The following PRKCE variants were observed in gnomAD, a reference collection of about 807,000 sequenced individuals.
PRKCE encodes the protein protein kinase C epsilon, also known as protein kinase C epsilon type.
In PRKCE, 16 loss-of-function variants were observed where a neutral mutation model predicts 85.4. That is an observed-to-expected ratio of 0.19 (90% CI 0.13 to 0.28). PRKCE has a LOEUF of 0.28. Ranked by LOEUF, PRKCE falls within the 10% of genes least tolerant of loss-of-function variation. The pLI, the probability that PRKCE is intolerant of heterozygous loss-of-function variation, is 1.00. For missense variants in PRKCE, 573 were observed against 975.2 expected, an observed-to-expected ratio of 0.59 and a Z score of 5.49; for synonymous variants, 388 against 371.5, an observed-to-expected ratio of 1.04 and a Z score of -0.51.
intron 1 of PRKCE, among the ~76,000 whole-genome samples, chr2:45,710,853 G>A (rs1679564436): frequency 6.6e-6 from 1 of 152,240 alleles, no homozygotes. Context: ...TTACTGCCTG[G>A]CAGGCCAGAT....
chr2:45,878,352 G>C (rs752349780), intron 2 of PRKCE, among the ~76,000 whole-genome samples: 11 of 150,814 alleles, frequency 7.3e-5, no homozygotes, highest in African/African-American at 2.2e-4. Flanking sequence ...CAAGTTTAGG[G>C]CTTGAATATC....
Position 46,004,534 on chromosome 2 carries a change from C to T in PRKCE, c.967-8C>T. 1.3e-6 allele frequency: 2 copies of T among 1,570,998 alleles called. No individual in the cohort carries two copies. Among genetic ancestry groups the T allele is most frequent in the Non-Finnish European group, 1.7e-6 (2 of 1,164,484 alleles). ...GATGCCTCTGTCCCTGCTTTCTCTC[C>T]TCTCTAGCTCATTGCTGGTGCCGAG... On this transcript the variant is annotated splice_polypyrimidine_tract_variant and splice_region_variant and intron_variant, in intron 7 of 14. Transcript: ENST00000306156. The surrounding 1 kb of genome is among the most constrained non-coding windows in gnomAD (Gnocchi z 4.1).
chr2:45,949,673 G>A (rs1700488610), intron 2 of PRKCE, among the ~76,000 whole-genome samples: 2 of 151,592 alleles, frequency 1.3e-5, no homozygotes, highest in Admixed American at 6.6e-5. Context: ...AAGTTTTTAT[G>A]TTTTGCTTTT....
intron 1 of PRKCE, among the ~76,000 whole-genome samples, chr2:45,753,965 C>T (rs1190589637): frequency 2.6e-5 from 4 of 152,216 alleles, no homozygotes; most frequent in Non-Finnish European, 5.9e-5. Flanking sequence ...AAACCGTATT[C>T]AGATTTTCCC....
intron 11 of PRKCE, among the ~76,000 whole-genome samples, chr2:46,118,585 A>G (rs867178715): frequency 8.5e-5 from 13 of 152,354 alleles, no homozygotes; most frequent in African/African-American, 2.6e-4. Context: ...TGAGACTATT[A>G]TATGATAATC....
intron 1 of PRKCE, among the ~76,000 whole-genome samples, chr2:45,658,223 C>A (rs532340803): frequency 2.0e-5 from 3 of 152,154 alleles, no homozygotes; most frequent in Non-Finnish European, 2.9e-5. Context: ...TTCCCCTACT[C>A]CCATAATACC....
chr2:46,005,245 A>G lies in PRKCE; in HGVS notation c.1063+607A>G, dbSNP rs576878563. On this transcript the variant is annotated intron_variant, in intron 8 of 14. Transcript: ENST00000306156. ...CTTCTGTCCGACTGTGCTTCAGACA[A>G]TAAGTTCTGCAGACATAATTTGCAC... is the stretch of plus-strand genomic sequence containing the variant. Among the ~76,000 whole-genome samples, 7 of 152,346 alleles carry G rather than the reference A, an allele frequency of 4.6e-5. No homozygotes were observed. The South Asian group carries it at 1.5e-3, about 32-fold the overall frequency.
At chr2:46,143,327 T>G (rs1675746384) in intron 11 of PRKCE, among the ~76,000 whole-genome samples, 1 of 152,030 alleles carries the variant, frequency 6.6e-6, no homozygotes, top group African/African-American at 2.4e-5. Context: ...CACTGGATAC[T>G]ACAAAATAGG....
chr2:45,771,530 G>A (rs756521649), intron 1 of PRKCE, among the ~76,000 whole-genome samples: 6 of 152,172 alleles, frequency 3.9e-5, no homozygotes, highest in Non-Finnish European at 8.8e-5. Context: ...GCACAACACA[G>A]CACACACTCT....
intron 11 of PRKCE, among the ~76,000 whole-genome samples, chr2:46,105,337 T>C (rs751991150): frequency 2.0e-5 from 3 of 152,182 alleles, no homozygotes; most frequent in Non-Finnish European, 1.5e-5. Context: ...CCTGAGCCCC[T>C]GTAAAAGCTG....
At chr2:46,148,276 C>T (rs991867067) in intron 12 of PRKCE, among the ~76,000 whole-genome samples, 2 of 152,234 alleles carry the variant, frequency 1.3e-5, no homozygotes, top group African/African-American at 4.8e-5. Flanking sequence ...GGTGACTTCC[C>T]GTGACATGGA....
At chr2:45,899,376 T>A (rs968528314) in intron 2 of PRKCE, among the ~76,000 whole-genome samples, 4 of 151,038 alleles carry the variant, frequency 2.6e-5, no homozygotes, top group Middle Eastern at 3.4e-3. Flanking sequence ...TTTTAAAAAA[T>A]TTTTTTTCTT....
intron 1 of PRKCE, among the ~76,000 whole-genome samples, chr2:45,785,278 G>A (rs558990509): frequency 4.0e-4 from 61 of 152,266 alleles, no homozygotes; most frequent in African/African-American, 1.4e-3. Context: ...ATCACTTGAG[G>A]TCAGGAGTTA....
chr2:45,910,655 A>G (rs1490624583), intron 2 of PRKCE, among the ~76,000 whole-genome samples: 1 of 152,202 alleles, frequency 6.6e-6, no homozygotes, highest in Non-Finnish European at 1.5e-5. Flanking sequence ...AGCCCAGCTC[A>G]GTGTCTCACA....
chr2:45,982,297 A>G (rs1484893153), intron 5 of PRKCE, among the ~76,000 whole-genome samples: 1 of 152,196 alleles, frequency 6.6e-6, no homozygotes, highest in Admixed American at 6.5e-5. Context: ...CTTTAATGTG[A>G]TGCCTGTGCA....
chr2:45,980,698 C>G (rs1397718618), intron 5 of PRKCE, among the ~76,000 whole-genome samples: 2 of 152,136 alleles, frequency 1.3e-5, no homozygotes, highest in Non-Finnish European at 2.9e-5. Context: ...ACCAATGTGT[C>G]ACTAGCTCCT....
At chr2:45,985,478 A>G (rs962978376) in intron 6 of PRKCE, among the ~76,000 whole-genome samples, 13 of 152,198 alleles carry the variant, frequency 8.5e-5, no homozygotes, top group East Asian at 5.8e-4. Flanking sequence ...TGCATGGACA[A>G]TATTTTAAAA....
chr2:45,826,932 C>A (rs1272249156), intron 1 of PRKCE, among the ~76,000 whole-genome samples: 1 of 152,254 alleles, frequency 6.6e-6, no homozygotes, highest in Non-Finnish European at 1.5e-5. Flanking sequence ...TGGACTATTG[C>A]CATAGGCTCC....
chr2:45,956,212 C>G (rs1020492271), intron 2 of PRKCE, among the ~76,000 whole-genome samples: 2 of 152,138 alleles, frequency 1.3e-5, no homozygotes, highest in African/African-American at 4.8e-5. Flanking sequence ...TTTGGTTGTC[C>G]TTTTCTCAAT....
Sources: allele counts gnomAD v4.1 joint callset (sites outside exome capture counted in the v4.1 genomes callset), GRCh38; gene constraint gnomAD v4.1.1; non-coding constraint Gnocchi (gnomAD v3.1); transcripts MANE v1.5; gene names NCBI Gene and HGNC (gene_info 2026-07-23, HGNC 2026-07-21).